The following SNX16 variants were observed in gnomAD, a reference collection of about 807,000 sequenced individuals.
SNX16 encodes the protein sorting nexin-16.
A neutral mutation model predicts 36.7 loss-of-function variants in SNX16; 35 were observed. That is an observed-to-expected ratio of 0.95 (90% CI 0.73 to 1.27). The LOEUF is 1.27. Among genes scored for constraint, SNX16 ranks in the 50% most tolerant of loss-of-function variants. The pLI is 0.00. For missense variants in SNX16, 367 were observed against 393.6 expected, an observed-to-expected ratio of 0.93 and a Z score of 0.57; for synonymous variants, 134 against 132.0, an observed-to-expected ratio of 1.02 and a Z score of -0.10.
In SNX16 at chr8:81,799,803, G is replaced by T. The variant is rs149527727; in HGVS notation, c.*1694C>A. The stretch of plus-strand genomic sequence containing the variant: ...CAGACAGGCAACACTATAATATCTA[G>T]AATTTGGCAAAGATCTGTTATATAA... On this transcript the variant is annotated 3_prime_UTR_variant, in exon 8 of 8. Transcript: ENST00000345957. The T allele has an allele frequency of 6.6e-6, 1 of 151,834 alleles. No homozygotes were observed. The highest frequency in any genetic ancestry group is 6.5e-5 in the Admixed American group (1 of 15,268). The allele number at this position is 151,834 out of a possible 1,614,324, so 9.4% of individuals were successfully genotyped here. A position where few individuals can be genotyped will look rare whatever the true frequency, so the allele number is the denominator to read the frequency against.
intron 3 of SNX16, among the ~76,000 whole-genome samples, chr8:81,827,247 G>T (rs955026153): frequency 2.0e-5 from 3 of 151,958 alleles, no homozygotes; most frequent in Middle Eastern, 3.2e-3. Context: ...CAGCAATAAA[G>T]ATGAAATCTA....
chr8:81,820,531 C>G (rs1810691601), intron 4 of SNX16, among the ~76,000 whole-genome samples: 2 of 149,592 alleles, frequency 1.3e-5, no homozygotes, highest in Non-Finnish European at 3.0e-5. Flanking sequence ...AAGTACTGTG[C>G]TAGTTTTTTA....
chr8:81,835,154 C>T (rs1811436867), intron 2 of SNX16, among the ~76,000 whole-genome samples: 1 of 152,234 alleles, frequency 6.6e-6, no homozygotes, highest in African/African-American at 2.4e-5. Flanking sequence ...GGGATTACAC[C>T]CTCTGAAGTC....
intron 5 of SNX16, chr8:81,808,489 G>A (rs559546262): frequency 2.6e-5 from 25 of 967,472 alleles, no homozygotes; most frequent in Middle Eastern, 3.1e-4. Flanking sequence ...TATGGTGGCA[G>A]TGGGGATGGC....
At chr8:81,816,184 T>TCTTTC (rs901444568) in intron 4 of SNX16, among the ~76,000 whole-genome samples, 1 of 150,620 alleles carries the variant, frequency 6.6e-6, no homozygotes, top group African/African-American at 2.4e-5. Flanking sequence ...GGATTTTCTT[T>TCTTTC]TTTTTTTTTT....
At chr8:81,830,384 C>T (rs1811198282) in intron 2 of SNX16, among the ~76,000 whole-genome samples, 1 of 151,902 alleles carries the variant, frequency 6.6e-6, no homozygotes, top group African/African-American at 2.4e-5. Context: ...TCCTGGCTAA[C>T]ACAGTGCAAC....
intron 2 of SNX16, among the ~76,000 whole-genome samples, chr8:81,833,721 A>T (rs1336512763): frequency 6.6e-6 from 1 of 152,010 alleles, no homozygotes; most frequent in Non-Finnish European, 1.5e-5. Flanking sequence ...GCCACTGAAT[A>T]CCCCTGTTTC....
chr8:81,806,151 A>T (rs2130596939), intron 5 of SNX16, among the ~76,000 whole-genome samples: 1 of 152,296 alleles, frequency 6.6e-6, no homozygotes, highest in African/African-American at 2.4e-5. Flanking sequence ...ACCAATATGC[A>T]TTTATTCAAA....
chr8:81,813,385 T>A lies in SNX16; in HGVS notation c.681+1940A>T, dbSNP rs568947812. Among the ~76,000 whole-genome samples, 4 of 151,754 alleles carry A rather than the reference T, an allele frequency of 2.6e-5. No individual in the cohort carries two copies. The East Asian group carries it at 7.7e-4, about 29-fold the overall frequency. On this transcript the variant is annotated intron_variant, in intron 5 of 7. Transcript: ENST00000345957. Reference sequence around the variant, plus strand: ...TAAACAAAACGAACTAAAAAAAAATTAAGATAGGTATAGGAACTTAAGACC... The same window carrying A: ...TAAACAAAACGAACTAAAAAAAAATAAAGATAGGTATAGGAACTTAAGACC...
intron 5 of SNX16, among the ~76,000 whole-genome samples, chr8:81,813,451 A>G (rs562101147): frequency 6.6e-6 from 1 of 151,942 alleles, no homozygotes; most frequent in Non-Finnish European, 1.5e-5. Flanking sequence ...AAAATAGACC[A>G]TAAACCTAAC....
At chr8:81,808,506 G>T in intron 5 of SNX16, 1 of 970,942 alleles carries the variant, frequency 1.0e-6, no homozygotes. Flanking sequence ...TGGCTATAAG[G>T]GATTTGGTAA....
chr8:81,829,621 T>A, intron 2 of SNX16, 105 bp from the exon 3 acceptor site: 1 of 404,444 alleles, frequency 2.5e-6, no homozygotes, highest in Admixed American at 4.5e-5. Context: ...ACCCAGACTA[T>A]AACAATTATT....
chr8:81,808,572 A>C, intron 5 of SNX16: 2 of 992,850 alleles, frequency 2.0e-6, no homozygotes, highest in Non-Finnish European at 3.2e-6. Context: ...CAGTTACAAC[A>C]ATCAGTCTTC....
chr8:81,810,953 C>A (rs139753075), intron 5 of SNX16, among the ~76,000 whole-genome samples: 17 of 152,256 alleles, frequency 1.1e-4, no homozygotes, highest in African/African-American at 4.1e-4. Context: ...TACTAACTAG[C>A]ATATATTTTG....
intron 4 of SNX16, among the ~76,000 whole-genome samples, chr8:81,822,926 GTA>G (rs10548631): frequency 0.66 from 85,106 of 129,752 alleles, 27,359 homozygotes; most frequent in South Asian, 0.72. Context: ...AGCAAGATGT[GTA>G]TATATATATA....
At chr8:81,802,646 A>G (rs1809756504) in intron 6 of SNX16, 147 bp from the exon 7 acceptor site, 1 of 558,884 alleles carries the variant, frequency 1.8e-6, no homozygotes, top group Admixed American at 3.9e-5. Flanking sequence ...TTGGAAGTCA[A>G]CAGAGAAAAT....
At chr8:81,801,961 T>G (rs1308644487) in intron 7 of SNX16, among the ~76,000 whole-genome samples, 1 of 151,720 alleles carries the variant, frequency 6.6e-6, no homozygotes, top group Non-Finnish European at 1.5e-5. Context: ...TCTATGTGCT[T>G]TTAAATTCAT....
intron 2 of SNX16, among the ~76,000 whole-genome samples, chr8:81,839,085 T>C (rs1811621950): frequency 6.6e-6 from 1 of 152,090 alleles, no homozygotes; most frequent in African/African-American, 2.4e-5. Context: ...ATGATAAAAA[T>C]GTTAAAATAT....
chr8:81,823,399 G>T (rs1320068782), intron 4 of SNX16, among the ~76,000 whole-genome samples: 1 of 151,402 alleles, frequency 6.6e-6, no homozygotes, highest in African/African-American at 2.4e-5. Flanking sequence ...TAATATTTTT[G>T]CATTACTTTG....
Sources: gnomAD v4.1 joint callset for allele counts (sites outside exome capture counted in the v4.1 genomes callset) on GRCh38, gnomAD v4.1.1 for gene constraint, MANE v1.5 for transcripts, NCBI Gene and HGNC (gene_info 2026-07-23, HGNC 2026-07-21) for gene names.